The following ADGRL1 variants were observed in gnomAD, a reference collection of about 807,000 sequenced individuals.
ADGRL1 encodes the protein CIRL-1.
In ADGRL1, 31 loss-of-function variants were observed where a neutral mutation model predicts 148.9. The ratio of observed to expected loss-of-function variants is 0.21; its 90% CI spans 0.16 to 0.28. The LOEUF is 0.28. ADGRL1 is among the 10% of genes least tolerant of loss of function. ADGRL1 has a pLI of 1.00. For synonymous variants in ADGRL1, 937 were observed against 900.3 expected, an observed-to-expected ratio of 1.04 and a Z score of -0.73; for missense variants, 1,521 against 2,058.8, an observed-to-expected ratio of 0.74 and a Z score of 5.05.
chr19:14,170,748 C>T lies in ADGRL1; in HGVS notation c.328G>A (p.Ala110Thr). Reference sequence around the variant, plus strand: ...GTCCCAGGACAGGGGTCAGGAAAGGCATCCGAGCCGGCGACCACCACGCAC... The same window carrying T: ...GTCCCAGGACAGGGGTCAGGAAAGGTATCCGAGCCGGCGACCACCACGCAC... ...TQCVVVAGSDAFPDPCPGTYK... is the reference protein window; with the variant it reads ...TQCVVVAGSDTFPDPCPGTYK... The change falls in exon 4 of 23, where the codon GCC becomes ACC. Residue 110 changes from alanine (A) to threonine (T), a missense_variant. Transcript: ENST00000361434. The T allele has an allele frequency of 6.2e-7, 1 of 1,612,750 alleles. No individual in the cohort carries two copies. The highest frequency in any genetic ancestry group is 8.5e-7 in the Non-Finnish European group (1 of 1,179,364).
At chr19:14,168,295 T>C (rs900219881) in intron 4 of ADGRL1, among the ~76,000 whole-genome samples, 3 of 152,170 alleles carry the variant, frequency 2.0e-5, no homozygotes, top group Non-Finnish European at 4.4e-5. Flanking sequence ...AGTGAACATT[T>C]TGGGGACAAG....
At chr19:14,191,867 T>C (rs1225669311) in intron 1 of ADGRL1, among the ~76,000 whole-genome samples, 2 of 152,058 alleles carry the variant, frequency 1.3e-5, no homozygotes, top group African/African-American at 2.4e-5. Flanking sequence ...AGCTACTTTT[T>C]CGATTTTTTT....
intron 1 of ADGRL1, among the ~76,000 whole-genome samples, chr19:14,184,123 C>T (rs968679714): frequency 6.6e-6 from 1 of 152,276 alleles, no homozygotes; most frequent in East Asian, 1.9e-4. Context: ...GCAGCCTCCC[C>T]GTCTTGGGCA....
chr19:14,203,612 G>A (rs1206077915), intron 1 of ADGRL1, among the ~76,000 whole-genome samples: 2 of 146,642 alleles, frequency 1.4e-5, no homozygotes, highest in Admixed American at 1.4e-4. Flanking sequence ...CCTCCCCAAC[G>A]TGCCCACAGG....
At position 14,205,500 on chromosome 19, in the gene ADGRL1, G is replaced by T. The variant is rs1385332629; in HGVS notation, c.-96+485C>A. On this transcript the variant is annotated intron_variant, in intron 1 of 22. Transcript: ENST00000361434. ...ATCCTGTGGTGCCAGCCCCCGACAC[G>T]GCTCCTCTGGGGCGCGGGGCCGGCG... is the stretch of plus-strand genomic sequence containing the variant. 2.6e-5 allele frequency among the ~76,000 whole-genome samples: 4 copies of T among 151,626 alleles called. No individual in the cohort carries two copies. The East Asian group carries it at 7.8e-4, about 30-fold the overall frequency.
intron 3 of ADGRL1, among the ~76,000 whole-genome samples, chr19:14,173,321 G>A (rs754025593): frequency 6.6e-5 from 10 of 151,998 alleles, no homozygotes; most frequent in South Asian, 6.2e-4. Flanking sequence ...GGAGAGCAGC[G>A]GTGTGATCAT....
chr19:14,162,539 A>G lies in ADGRL1; in HGVS notation c.1195+67T>C. On this transcript the variant is annotated intron_variant, in intron 5 of 22. Coordinates refer to ENST00000361434, the MANE Select transcript of ADGRL1 (RefSeq NM_014921.5). This position sits in a 1 kb window ranked among gnomAD's most constrained non-coding sequence, Gnocchi z 5.4. ...GATGGGGCTCCCCACTCTGGGACCC[A>G]GGGGTGGGTGGGGGTGGAGGGGACA... 2.1e-6 allele frequency: 3 copies of G among 1,421,074 alleles called. No homozygotes were observed. Among genetic ancestry groups the G allele is most frequent in the Non-Finnish European group, 2.9e-6 (3 of 1,037,928 alleles). The allele number at this position is 1,421,074 out of a possible 1,614,324, so 88.0% of individuals were successfully genotyped here.
chr19:14,187,020 G>C (rs1568621515), intron 1 of ADGRL1, among the ~76,000 whole-genome samples: 1 of 152,046 alleles, frequency 6.6e-6, no homozygotes, highest in Non-Finnish European at 1.5e-5. Context: ...TTATCAACAC[G>C]AGCTTCTTGA....
At chr19:14,177,094 G>A (rs1272365582) in intron 3 of ADGRL1, among the ~76,000 whole-genome samples, 2 of 152,160 alleles carry the variant, frequency 1.3e-5, no homozygotes, top group African/African-American at 2.4e-5. Context: ...GTCAGGCGTG[G>A]TGGCGTGCGC....
At chr19:14,198,214 G>C (rs955217235) in intron 1 of ADGRL1, among the ~76,000 whole-genome samples, 1 of 152,122 alleles carries the variant, frequency 6.6e-6, no homozygotes, top group African/African-American at 2.4e-5. Flanking sequence ...GTGGACCTCA[G>C]GGAGGACTTT....
At position 14,155,230 on chromosome 19, in the gene ADGRL1, G is replaced by C. The variant is rs1968600512; in HGVS notation, c.3294+129C>G. On this transcript the variant is annotated intron_variant, in intron 18 of 22. Coordinates refer to ENST00000361434, the MANE Select transcript of ADGRL1 (RefSeq NM_014921.5). The surrounding 1 kb of genome is among the most constrained non-coding windows in gnomAD (Gnocchi z 5.0). ...CCCGGTGGACGCAGACCTGACCACA[G>C]AAGCCCTGCAGCACTCACTGGGGGC... The C allele has an allele frequency of 9.2e-7, 1 of 1,090,736 alleles. No homozygotes were observed. Among genetic ancestry groups the C allele is most frequent in the Non-Finnish European group, 1.3e-6 (1 of 754,406 alleles). The allele number at this position is 1,090,736 out of a possible 1,614,324, so 67.6% of individuals were successfully genotyped here.
At chr19:14,179,677 T>A (rs1224294709) in intron 2 of ADGRL1, among the ~76,000 whole-genome samples, 1 of 151,494 alleles carries the variant, frequency 6.6e-6, no homozygotes, top group Non-Finnish European at 1.5e-5. Flanking sequence ...GAGGTCGAGG[T>A]GGGCGAATCA....
chr19:14,158,135 G>T, intron 12 of ADGRL1, 83 bp from the exon 13 acceptor site: 1 of 1,449,694 alleles, frequency 6.9e-7, no homozygotes, highest in Non-Finnish European at 9.6e-7. Flanking sequence ...TGGCAACAGG[G>T]ATGGTACCAA....
At position 14,162,724 on chromosome 19, in the gene ADGRL1, G is replaced by GT; in HGVS notation, c.1076dup (p.Asn359LysfsTer10). 1 of 1,614,224 alleles carries GT rather than the reference G, an allele frequency of 6.2e-7. No individual in the cohort carries two copies. Among genetic ancestry groups the GT allele is most frequent in the Non-Finnish European group, 8.5e-7 (1 of 1,180,036 alleles). On this transcript the variant is annotated frameshift_variant, in exon 5 of 23. Coordinates refer to ENST00000361434, the MANE Select transcript of ADGRL1 (RefSeq NM_014921.5). LOFTEE classifies it high-confidence loss of function. The surrounding 1 kb of genome is among the most constrained non-coding windows in gnomAD (Gnocchi z 5.4). ...CAACGGAGGAGATGAACTGGTAGGG[G>GT]TTGGGGAAGGTGAGGCTGACAGGCT...
chr19:14,166,935 G>A (rs976485260), intron 4 of ADGRL1: 26 of 1,403,192 alleles, frequency 1.9e-5, no homozygotes, highest in African/African-American at 1.3e-4. Flanking sequence ...AGAAGGGGCC[G>A]GGGGAGGGCA....
rs1555790225 is a variant in ADGRL1, at chr19:14,183,212, A to AGC, written c.70+320_70+321insGC. 3.2e-4 allele frequency among the ~76,000 whole-genome samples: 48 copies of AGC among 151,166 alleles called. No individual in the cohort carries two copies. In the East Asian group the frequency reaches 4.1e-3, roughly 13 times the overall value. ...TAATCACAGAGAGAGAGAGAGAGAG[A>AGC]GAGAGCGAGAGAGAGACAGAGAGAG... On this transcript the variant is annotated intron_variant, in intron 2 of 22. Transcript: ENST00000361434.
Position 14,155,607 on chromosome 19 carries a change from C to CG in ADGRL1, c.3126-81dup. 1 of 1,486,086 alleles carries CG rather than the reference C, an allele frequency of 6.7e-7. No homozygotes were observed. The highest frequency in any genetic ancestry group is 1.2e-5 in the South Asian group (1 of 84,926). 92.1% of individuals were successfully genotyped at this position (1,486,086 alleles called of 1,614,324 possible). On this transcript the variant is annotated intron_variant, in intron 17 of 22. Coordinates refer to ENST00000361434, the MANE Select transcript of ADGRL1 (RefSeq NM_014921.5). The surrounding 1 kb of genome is among the most constrained non-coding windows in gnomAD (Gnocchi z 5.0). ...CCCAGGCCTCCCCTGCAGCCTACAA[C>CG]GGGGGCCCTTGGGTGGGCCTGGGCA...
intron 16 of ADGRL1, 51 bp from the exon 17 acceptor site, chr19:14,156,252 C>T (rs1568570698): frequency 7.2e-7 from 1 of 1,395,440 alleles, no homozygotes. Context: ...CTGCCTCCCT[C>T]AGTGAGCACT....
At position 14,161,144 on chromosome 19, in the gene ADGRL1, G is replaced by A. The variant is rs1328609170; in HGVS notation, c.1510+168C>T. Among the ~76,000 whole-genome samples, 1 of 152,248 alleles carries A rather than the reference G, an allele frequency of 6.6e-6. No homozygotes were observed. Among genetic ancestry groups the A allele is most frequent in the Non-Finnish European group, 1.5e-5 (1 of 68,040 alleles). On this transcript the variant is annotated intron_variant, in intron 6 of 22. Transcript: ENST00000361434. The surrounding 1 kb of genome is among the most constrained non-coding windows in gnomAD (Gnocchi z 4.4). ...GCAGGTTCTGCAGGTGGGGCCAGGG[G>A]CACTGAGTGGCTCCTGTGCCCTGAG...
Sources: gnomAD v4.1 joint callset for allele counts (sites outside exome capture counted in the v4.1 genomes callset) on GRCh38, gnomAD v4.1.1 for gene constraint, Gnocchi (gnomAD v3.1) non-coding constraint, MANE v1.5 for transcripts, NCBI Gene and HGNC (gene_info 2026-07-23, HGNC 2026-07-21) for gene names.